The following MACROD2 variants were observed in gnomAD, a reference collection of about 807,000 sequenced individuals.
MACROD2 encodes the protein ADP-ribose glycohydrolase MACROD2.
In MACROD2, 36 loss-of-function variants were observed where a neutral mutation model predicts 70.4. The ratio of observed to expected loss-of-function variants is 0.51; its 90% CI spans 0.39 to 0.68. MACROD2 has a LOEUF of 0.68. MACROD2 is among the 30% of genes least tolerant of loss of function. The pLI, the probability that MACROD2 is intolerant of heterozygous loss-of-function variation, is 0.00. For synonymous variants in MACROD2, 172 were observed against 178.8 expected (o/e 0.96, Z 0.30); for missense variants, 496 against 538.4 (o/e 0.92, Z 0.78).
At chr20:15,052,175 G>A (rs2075447699) in intron 5 of MACROD2, among the ~76,000 whole-genome samples, 1 of 152,058 alleles carries the variant, frequency 6.6e-6, no homozygotes, top group African/African-American at 2.4e-5. Context: ...CCATATTAAG[G>A]CTAGATATTT....
chr20:14,660,644 G>C (rs1482323990), intron 4 of MACROD2, among the ~76,000 whole-genome samples: 1 of 152,122 alleles, frequency 6.6e-6, no homozygotes, highest in African/African-American at 2.4e-5. Context: ...CATCACCCAA[G>C]TAGCGAACAT....
intron 4 of MACROD2, among the ~76,000 whole-genome samples, chr20:14,650,877 C>T (rs1985641899): frequency 1.3e-5 from 2 of 152,280 alleles, no homozygotes; most frequent in East Asian, 1.9e-4. Flanking sequence ...CTATGATAAG[C>T]ATTCACAGTT....
At chr20:14,654,403 G>A (rs1257316134) in intron 4 of MACROD2, among the ~76,000 whole-genome samples, 1 of 151,580 alleles carries the variant, frequency 6.6e-6, no homozygotes, top group East Asian at 1.9e-4. Flanking sequence ...AAAATTAGCC[G>A]GGTATGGTGG....
chr20:15,057,152 C>T (rs559226162), intron 5 of MACROD2, among the ~76,000 whole-genome samples: 55 of 152,128 alleles, frequency 3.6e-4, no homozygotes, highest in South Asian at 6.2e-4. Flanking sequence ...TCAATAATGA[C>T]GATAAATTAC....
chr20:16,044,298 T>A (rs2067348440), intron 16 of MACROD2, among the ~76,000 whole-genome samples: 1 of 151,954 alleles, frequency 6.6e-6, no homozygotes, highest in African/African-American at 2.4e-5. Context: ...GAAGGATACA[T>A]CCCTGCAATC....
At chr20:15,261,117 A>C (rs408714) in intron 6 of MACROD2, among the ~76,000 whole-genome samples, 92,413 of 151,696 alleles carry the variant, frequency 0.61, 28,222 homozygotes, top group Non-Finnish European at 0.63. Context: ...TAAATATAAA[A>C]TAAATGAGGT....
intron 5 of MACROD2, among the ~76,000 whole-genome samples, chr20:14,821,305 A>ACGG (rs2072841855): frequency 6.6e-6 from 1 of 152,078 alleles, no homozygotes; most frequent in Non-Finnish European, 1.5e-5. Flanking sequence ...AATTTCACTA[A>ACGG]GGGAAGTTTA....
At chr20:14,696,171 G>C (rs2071123797) in intron 5 of MACROD2, among the ~76,000 whole-genome samples, 1 of 151,950 alleles carries the variant, frequency 6.6e-6, no homozygotes, top group African/African-American at 2.4e-5. Context: ...AAACTTCTTA[G>C]ATAGATAGAT....
chr20:15,565,257 T>C (rs2048295164), intron 8 of MACROD2, among the ~76,000 whole-genome samples: 1 of 152,154 alleles, frequency 6.6e-6, no homozygotes, highest in Admixed American at 6.5e-5. Context: ...TGAAAATAAA[T>C]CCCTAGAGAT....
At chr20:14,630,717 A>G (rs530349446) in intron 4 of MACROD2, among the ~76,000 whole-genome samples, 1 of 152,338 alleles carries the variant, frequency 6.6e-6, no homozygotes, top group South Asian at 2.1e-4. Context: ...GCATTTGTAG[A>G]AGATAGGTGA....
intron 5 of MACROD2, among the ~76,000 whole-genome samples, chr20:14,951,590 G>C (rs775838399): frequency 6.6e-6 from 1 of 152,136 alleles, no homozygotes; most frequent in Non-Finnish European, 1.5e-5. Context: ...AGGCACTGCT[G>C]TAGGACTCCG....
chr20:15,007,797 A>C (rs985535038), intron 5 of MACROD2, among the ~76,000 whole-genome samples: 8 of 152,204 alleles, frequency 5.3e-5, no homozygotes. Flanking sequence ...GTGCCTTTTA[A>C]CACTCTCAGG....
chr20:14,667,643 A>G (rs2070749859), intron 4 of MACROD2, among the ~76,000 whole-genome samples: 1 of 152,194 alleles, frequency 6.6e-6, no homozygotes, highest in Non-Finnish European at 1.5e-5. Flanking sequence ...TAGACGGGGC[A>G]AAATGGTTCT....
chr20:15,145,930 A>C (rs1055981850), intron 5 of MACROD2, among the ~76,000 whole-genome samples: 3 of 152,132 alleles, frequency 2.0e-5, no homozygotes, highest in Non-Finnish European at 2.9e-5. Flanking sequence ...ATTGTTTATA[A>C]TAAATGCTTT....
chr20:14,958,749 CA>C (rs1199273533), intron 5 of MACROD2, among the ~76,000 whole-genome samples: 1 of 152,116 alleles, frequency 6.6e-6, no homozygotes, highest in Non-Finnish European at 1.5e-5. Context: ...TTCTAAACAG[CA>C]GTAGTTCTCA....
intron 4 of MACROD2, among the ~76,000 whole-genome samples, chr20:14,654,337 A>T (rs112285831): frequency 0.03 from 4,558 of 151,966 alleles, 100 homozygotes; most frequent in Non-Finnish European, 0.044. Flanking sequence ...ACCTGAGGTC[A>T]GGAGTTCAAG....
chr20:14,466,047 G>A (rs568293141), intron 3 of MACROD2, among the ~76,000 whole-genome samples: 34 of 152,082 alleles, frequency 2.2e-4, no homozygotes, highest in South Asian at 1.2e-3. Context: ...TCTTTGTGGC[G>A]TTTTCTGTAT....
chr20:15,027,092 A>G (rs2075237663), intron 5 of MACROD2, among the ~76,000 whole-genome samples: 1 of 152,176 alleles, frequency 6.6e-6, no homozygotes, highest in Non-Finnish European at 1.5e-5. Flanking sequence ...ATGTTGTGTC[A>G]CAGATTCAGA....
chr20:14,661,629 C>T (rs1174203888), intron 4 of MACROD2, among the ~76,000 whole-genome samples: 1 of 151,740 alleles, frequency 6.6e-6, no homozygotes, highest in Non-Finnish European at 1.5e-5. Flanking sequence ...CTTGCTGAGG[C>T]CAAGGTCTAG....
Sources: allele counts gnomAD v4.1 joint callset (sites outside exome capture counted in the v4.1 genomes callset), GRCh38; gene constraint gnomAD v4.1.1; transcripts MANE v1.5; gene names NCBI Gene and HGNC (gene_info 2026-07-23, HGNC 2026-07-21).